The following TMEM273 variants were observed in gnomAD, a reference collection of about 807,000 sequenced individuals.
The protein encoded by TMEM273 is chromosome 10 open reading frame 128.
TMEM273 carries 19 observed loss-of-function variants against 17.9 expected under a neutral mutation model. The ratio of observed to expected loss-of-function variants is 1.06; its 90% CI spans 0.74 to 1.55. The LOEUF is 1.55. Among genes scored for constraint, TMEM273 ranks in the 40% most tolerant of loss-of-function variants. The pLI is 0.00. For synonymous variants in TMEM273, 66 were observed against 62.0 expected, an observed-to-expected ratio of 1.07 and a Z score of -0.31; for missense variants, 194 against 155.6, an observed-to-expected ratio of 1.25 and a Z score of -1.31.
At chr10:49,186,076 A>AAGAAGAGGG (rs1847677181) in intron 1 of TMEM273, among the ~76,000 whole-genome samples, 1 of 141,292 alleles carries the variant, frequency 7.1e-6, no homozygotes, top group African/African-American at 2.8e-5. Context: ...GAGGAAGAAG[A>AAGAAGAGGG]AGAAGAAGAA....
intron 1 of TMEM273, among the ~76,000 whole-genome samples, chr10:49,185,181 T>C (rs1847587369): frequency 6.6e-6 from 1 of 152,224 alleles, no homozygotes; most frequent in Admixed American, 6.5e-5. Flanking sequence ...GAAAAAAATT[T>C]AACATTTGGT....
chr10:49,188,380 C>G lies in TMEM273; in HGVS notation c.-44G>C. 1 of 1,613,756 alleles carries G rather than the reference C, an allele frequency of 6.2e-7. No homozygotes were observed. The highest frequency in any genetic ancestry group is 8.5e-7 in the Non-Finnish European group (1 of 1,179,860). ...GCTCCTGGCTCCTGGCTGCTGGCAGCGCAGGCACAATGAGCCATGTGACCC... is the reference window on the plus strand; with the variant it reads ...GCTCCTGGCTCCTGGCTGCTGGCAGGGCAGGCACAATGAGCCATGTGACCC... On this transcript the variant is annotated 5_prime_UTR_variant, in exon 1 of 7. Coordinates refer to ENST00000374153, the MANE Select transcript of TMEM273 (RefSeq NM_001288740.3).
chr10:49,163,202 G>A (rs1845955469), intron 5 of TMEM273, among the ~76,000 whole-genome samples: 2 of 152,150 alleles, frequency 1.3e-5, no homozygotes, highest in Non-Finnish European at 2.9e-5. Context: ...TGGATTTGGG[G>A]GCACTGGGAG....
At chr10:49,175,215 C>T (rs1447796630) in intron 1 of TMEM273, among the ~76,000 whole-genome samples, 2 of 152,132 alleles carry the variant, frequency 1.3e-5, no homozygotes, top group African/African-American at 2.4e-5. Flanking sequence ...GCTGGGGATA[C>T]TGGCATAAGA....
chr10:49,182,036 A>G (rs1847376653), intron 1 of TMEM273, among the ~76,000 whole-genome samples: 1 of 152,246 alleles, frequency 6.6e-6, no homozygotes, highest in Admixed American at 6.5e-5. Context: ...GGCAGAAGTC[A>G]TTAGGGGAAC....
intron 5 of TMEM273, among the ~76,000 whole-genome samples, chr10:49,163,451 G>C (rs1399924248): frequency 6.6e-6 from 1 of 152,142 alleles, no homozygotes; most frequent in East Asian, 1.9e-4. Flanking sequence ...TGGCCAGCAA[G>C]AGGAGTGCTG....
rs1402626633 is a variant in TMEM273, at chr10:49,166,860, A to C, written c.238+9T>G. 1 of 1,613,328 alleles carries C rather than the reference A, an allele frequency of 6.2e-7. No individual in the cohort carries two copies. The highest frequency in any genetic ancestry group is 1.1e-5 in the South Asian group (1 of 91,084). ...GGGCAGAGCCAGGCCCGAGCACCAC[A>C]TCCCTCACCACTGAGGCCCCCAGGC... On this transcript the variant is annotated intron_variant, in intron 3 of 6. Coordinates refer to ENST00000374153, the MANE Select transcript of TMEM273 (RefSeq NM_001288740.3).
At chr10:49,168,013 C>CTA (rs756551867) in intron 1 of TMEM273, 51 bp from the exon 2 acceptor site, 1 of 1,605,916 alleles carries the variant, frequency 6.2e-7, no homozygotes, top group East Asian at 2.2e-5. Flanking sequence ...TGGCTGTGGT[C>CTA]CCAGCTACCC....
At position 49,166,899 on chromosome 10, in the gene TMEM273, C is replaced by CG; in HGVS notation, c.207dup (p.Asp70ArgfsTer11). The stretch of plus-strand genomic sequence containing the variant: ...AGGCCCCCAGGCGTGCTTTTCAGGT[C>CG]GGAAGAGTCGTCGTCAAATAAGTGC... On this transcript the variant is annotated frameshift_variant, in exon 3 of 7. Coordinates refer to ENST00000374153, the MANE Select transcript of TMEM273 (RefSeq NM_001288740.3). LOFTEE classifies it high-confidence loss of function. 3.1e-6 allele frequency: 5 copies of CG among 1,613,944 alleles called. No homozygotes were observed. The highest frequency in any genetic ancestry group is 1.6e-4 in the Middle Eastern group (1 of 6,062).
chr10:49,157,182 C>T (rs1564616678), intron 6 of TMEM273, among the ~76,000 whole-genome samples: 1 of 152,250 alleles, frequency 6.6e-6, no homozygotes, highest in Non-Finnish European at 1.5e-5. Context: ...CCTCCCACCC[C>T]TGGCTGCCCT....
intron 1 of TMEM273, among the ~76,000 whole-genome samples, chr10:49,172,547 CT>C (rs1846646724): frequency 6.6e-6 from 1 of 152,178 alleles, no homozygotes; most frequent in South Asian, 2.1e-4. Flanking sequence ...TTTGTTCCAC[CT>C]TCGAGCCTCT....
intron 1 of TMEM273, among the ~76,000 whole-genome samples, chr10:49,177,683 G>T (rs774735123): frequency 3.9e-5 from 6 of 152,246 alleles, no homozygotes; most frequent in Non-Finnish European, 5.9e-5. Context: ...ATCTTAATGT[G>T]TCACATGTGA....
intron 1 of TMEM273, among the ~76,000 whole-genome samples, chr10:49,176,141 C>T (rs11815348): frequency 0.015 from 2,217 of 152,320 alleles, 48 homozygotes; most frequent in African/African-American, 0.013. Flanking sequence ...GACAAGTCCC[C>T]GGAAGGAGTG....
At position 49,165,791 on chromosome 10, in the gene TMEM273, T is replaced by A. The variant is rs764570719; in HGVS notation, c.244A>T (p.Ile82Phe). The A allele has an allele frequency of 6.8e-6, 11 of 1,614,090 alleles. No homozygotes were observed. The highest frequency in any genetic ancestry group is 1.6e-4 in the Middle Eastern group (1 of 6,062). Residue 82 changes from isoleucine to phenylalanine, a missense_variant, in exon 4 of 7, where the codon ATC (isoleucine) becomes TTC (phenylalanine). Transcript: ENST00000374153. ...CTTGGGGCTCTCTTCTTTAGCGGGA[T>A]GGTGTCTAAACAGAGAAAGCCGGGC... ...KSTPGGLSDTIPLKKRAPRKL... is the reference protein window; with the variant it reads ...KSTPGGLSDTFPLKKRAPRKL...
At chr10:49,160,085 A>G (rs1845748597) in intron 6 of TMEM273, among the ~76,000 whole-genome samples, 1 of 152,214 alleles carries the variant, frequency 6.6e-6, no homozygotes, top group African/African-American at 2.4e-5. Context: ...GGAATTAGAA[A>G]GTCAATATTT....
At chr10:49,175,769 C>G (rs923482425) in intron 1 of TMEM273, among the ~76,000 whole-genome samples, 1 of 152,196 alleles carries the variant, frequency 6.6e-6, no homozygotes, top group African/African-American at 2.4e-5. Flanking sequence ...CACATGTGAG[C>G]ACTGAGCCAC....
intron 1 of TMEM273, among the ~76,000 whole-genome samples, chr10:49,171,573 A>C (rs1405482450): frequency 2.0e-5 from 3 of 152,226 alleles, no homozygotes; most frequent in African/African-American, 7.2e-5. Context: ...TCCCTGACAA[A>C]ATAGTGGGCT....
intron 1 of TMEM273, among the ~76,000 whole-genome samples, chr10:49,172,458 C>T (rs1590219973): frequency 6.6e-6 from 1 of 151,452 alleles, no homozygotes; most frequent in East Asian, 1.9e-4. Context: ...CCTCTCCTGA[C>T]TAGCACCTCA....
At chr10:49,159,293 A>C (rs1017386486) in intron 6 of TMEM273, among the ~76,000 whole-genome samples, 17 of 152,198 alleles carry the variant, frequency 1.1e-4, no homozygotes, top group African/African-American at 3.9e-4. Flanking sequence ...CAGAGAATAT[A>C]ATTAATTTCA....
Sources: gnomAD v4.1 joint callset for allele counts (sites outside exome capture counted in the v4.1 genomes callset) on GRCh38, gnomAD v4.1.1 for gene constraint, MANE v1.5 for transcripts, NCBI Gene and HGNC (gene_info 2026-07-23, HGNC 2026-07-21) for gene names.